CNST: variants seen among roughly 807,000 people sequenced by gnomAD.
CNST encodes consortin, connexin sorting protein.
CNST carries 39 observed loss-of-function variants against 72.4 expected under a neutral mutation model. That is an observed-to-expected ratio of 0.54 (90% CI 0.42 to 0.70). The LOEUF is 0.70. Ranked by LOEUF, CNST falls within the 30% of genes least tolerant of loss-of-function variation. The pLI, the probability that CNST is intolerant of heterozygous loss-of-function variation, is 0.00. For synonymous variants in CNST, 332 were observed against 320.1 expected (o/e 1.04, Z -0.40); for missense variants, 871 against 868.5 (o/e 1.00, Z -0.04).
intron 1 of CNST, among the ~76,000 whole-genome samples, chr1:246,582,303 CTT>C (rs1660837545): frequency 1.3e-5 from 2 of 151,934 alleles, no homozygotes; most frequent in East Asian, 3.8e-4. Context: ...TCATAACTGT[CTT>C]TTACCTTCCA....
At chr1:246,659,317 G>A (rs980495010) in intron 9 of CNST, among the ~76,000 whole-genome samples, 11 of 152,186 alleles carry the variant, frequency 7.2e-5, no homozygotes, top group Non-Finnish European at 1.2e-4. Flanking sequence ...GTCCCAGGCC[G>A]GGTGCGGTGG....
intron 1 of CNST, among the ~76,000 whole-genome samples, chr1:246,587,806 C>T (rs991757246): frequency 6.6e-6 from 1 of 152,142 alleles, no homozygotes; most frequent in African/African-American, 2.4e-5. Context: ...GAACCAAGCC[C>T]CATTGTGAAA....
At chr1:246,663,388 A>G (rs1667220984) in intron 10 of CNST, among the ~76,000 whole-genome samples, 2 of 152,036 alleles carry the variant, frequency 1.3e-5, no homozygotes, top group African/African-American at 4.8e-5. Flanking sequence ...AAAATACAGC[A>G]TGATTAATAT....
chr1:246,621,638 C>G lies in CNST; in HGVS notation c.585+4C>G. 1 of 1,608,796 alleles carries G rather than the reference C, an allele frequency of 6.2e-7. No individual in the cohort carries two copies. ...ACTTCCCCTTTGCCTTCATCAGGTA[C>G]TCTGGTAAACCCTTCACTTTCAGCC... On this transcript the variant is annotated splice_donor_region_variant and intron_variant, in intron 3 of 10. Coordinates refer to ENST00000366513, the MANE Select transcript of CNST (RefSeq NM_152609.3).
chr1:246,584,008 T>C (rs1054095435), intron 1 of CNST, among the ~76,000 whole-genome samples: 1 of 137,514 alleles, frequency 7.3e-6, no homozygotes, highest in African/African-American at 2.8e-5. Flanking sequence ...GGGATGGTCA[T>C]AGCTCACTGC....
Position 246,644,506 on chromosome 1 carries a change from C to T in CNST, c.937+2469C>T, listed in dbSNP as rs1665925222. 2.0e-5 allele frequency among the ~76,000 whole-genome samples: 3 copies of T among 152,218 alleles called. No homozygotes were observed. The South Asian group carries it at 6.2e-4, about 32-fold the overall frequency. On this transcript the variant is annotated intron_variant, in intron 8 of 10. Transcript: ENST00000366513. ...ACTGTACTCAAAGCTCTTCTCCGCC[C>T]TCCAGTTGCCAGGGCTGGGAACACT... is the stretch of plus-strand genomic sequence containing the variant.
intron 2 of CNST, among the ~76,000 whole-genome samples, chr1:246,612,419 T>C (rs1227582819): frequency 6.6e-6 from 1 of 152,012 alleles, no homozygotes; most frequent in Non-Finnish European, 1.5e-5. Context: ...GGCAGGCTGG[T>C]CTCGAACTCC....
intron 8 of CNST, among the ~76,000 whole-genome samples, chr1:246,645,674 G>T (rs1438192175): frequency 6.6e-6 from 1 of 151,768 alleles, no homozygotes; most frequent in Non-Finnish European, 1.5e-5. Flanking sequence ...TGATCCATCC[G>T]CCTCGGCCTC....
chr1:246,643,149 C>A (rs1280193371), intron 8 of CNST, among the ~76,000 whole-genome samples: 1 of 151,990 alleles, frequency 6.6e-6, no homozygotes, highest in East Asian at 2.0e-4. Context: ...ACCTCAGCCC[C>A]ACAAAGTCCT....
chr1:246,598,677 T>G (rs1234875723), intron 2 of CNST, among the ~76,000 whole-genome samples: 1 of 152,202 alleles, frequency 6.6e-6, no homozygotes, highest in Non-Finnish European at 1.5e-5. Context: ...TTGGGTAATA[T>G]CTGTACTGGC....
At chr1:246,586,245 ATATATAT>A (rs1242709061) in intron 1 of CNST, among the ~76,000 whole-genome samples, 5 of 147,004 alleles carry the variant, frequency 3.4e-5, no homozygotes, top group Admixed American at 6.9e-5. Flanking sequence ...ATTATATCTG[ATATATAT>A]TATATATAAA....
chr1:246,567,779 T>C (rs1659812711), intron 1 of CNST, among the ~76,000 whole-genome samples: 1 of 152,136 alleles, frequency 6.6e-6, no homozygotes, highest in Non-Finnish European at 1.5e-5. Context: ...TTCGTACAGT[T>C]TTCTCACTGA....
Position 246,647,465 on chromosome 1 carries a change from A to G in CNST, c.1264A>G (p.Lys422Glu). The G allele has an allele frequency of 6.2e-7, 1 of 1,614,182 alleles. No homozygotes were observed. Among genetic ancestry groups the G allele is most frequent in the Non-Finnish European group, 8.5e-7 (1 of 1,180,040 alleles). Residue 422 changes from lysine to glutamate, a missense_variant, in exon 9 of 11, where the codon AAG becomes GAG. Physicochemically the swap from Lys to Glu is moderately conservative, Grantham distance 56. Coordinates refer to ENST00000366513, the MANE Select transcript of CNST (RefSeq NM_152609.3). The stretch of plus-strand genomic sequence containing the variant: ...AATAGAGGGCATTGCTGAAGACCCT[A>G]AGGTGTTTCTTTCCAGCAAGTCAAA... The part of the protein sequence containing the change: ...ARIEGIAEDP[K>E]VFLSSKSKTE...
chr1:246,648,102 A>G, intron 9 of CNST, 65 bp downstream of exon 9: 1 of 1,507,014 alleles, frequency 6.6e-7, no homozygotes, highest in Non-Finnish European at 8.8e-7. Flanking sequence ...TATGTATTAA[A>G]TATTGCCTTG....
intron 1 of CNST, chr1:246,570,030 T>C: frequency 2.4e-6 from 1 of 422,864 alleles, no homozygotes; most frequent in Non-Finnish European, 3.2e-6. Context: ...CTTTATATCA[T>C]GGTGTTTCTT....
chr1:246,634,917 G>A (rs1665058069), intron 6 of CNST, among the ~76,000 whole-genome samples: 1 of 139,226 alleles, frequency 7.2e-6, no homozygotes, highest in Non-Finnish European at 1.6e-5. Context: ...TAACGGCTAC[G>A]TGGTACCTGG....
chr1:246,600,397 G>A (rs1662196906), intron 2 of CNST, among the ~76,000 whole-genome samples: 1 of 152,216 alleles, frequency 6.6e-6, no homozygotes, highest in African/African-American at 2.4e-5. Flanking sequence ...AGTCTGCAGT[G>A]TGGAGAATTG....
At chr1:246,641,601 G>A (rs1665692760) in intron 6 of CNST, 148 bp from the exon 7 acceptor site, 1 of 595,356 alleles carries the variant, frequency 1.7e-6, no homozygotes, top group East Asian at 3.0e-5. Context: ...TGAGCCAGTG[G>A]TAATGTTTCA....
chr1:246,571,929 T>C (rs1473155583), intron 1 of CNST, among the ~76,000 whole-genome samples: 1 of 152,272 alleles, frequency 6.6e-6, no homozygotes. Flanking sequence ...ATGAGAATAA[T>C]TGCCCTGTTT....
Sources: allele counts gnomAD v4.1 joint callset (sites outside exome capture counted in the v4.1 genomes callset), GRCh38; gene constraint gnomAD v4.1.1; transcripts MANE v1.5; gene names NCBI Gene and HGNC (gene_info 2026-07-23, HGNC 2026-07-21).